Variants in HEXB observed in about 807,000 individuals in gnomAD.
HEXB encodes the protein hexosaminidase subunit beta.
In HEXB, 51 loss-of-function variants were observed where a neutral mutation model predicts 71.2. That is an observed-to-expected ratio of 0.72 (90% CI 0.57 to 0.90). The LOEUF (loss-of-function observed/expected upper bound fraction) is 0.90. Among genes scored for constraint, HEXB ranks in the 40% least tolerant of loss-of-function variants. HEXB has a pLI of 0.00. For synonymous variants in HEXB, 266 were observed against 249.3 expected (o/e 1.07, Z -0.63); for missense variants, 617 against 677.0 (o/e 0.91, Z 0.98).
chr5:74,642,780 T>A (rs747988065), intron 1 of HEXB, among the ~76,000 whole-genome samples: 8 of 152,126 alleles, frequency 5.3e-5, no homozygotes, highest in Non-Finnish European at 1.0e-4. Context: ...AACAGCAAAG[T>A]TCAGATCCCT....
chr5:74,692,769 C>G (rs917696877), intron 2 of HEXB, among the ~76,000 whole-genome samples: 30 of 152,330 alleles, frequency 2.0e-4, no homozygotes, highest in African/African-American at 7.2e-4. Flanking sequence ...TAATCTCCAG[C>G]CCATCAGTGT....
chr5:74,717,644 TAAAA>T (rs563927136), intron 9 of HEXB, among the ~76,000 whole-genome samples: 3 of 151,036 alleles, frequency 2.0e-5, no homozygotes, highest in East Asian at 1.9e-4. Context: ...TTTTTTAACT[TAAAA>T]AAAACCTCAA....
At chr5:74,667,948 C>G (rs1479093373) in intron 1 of HEXB, among the ~76,000 whole-genome samples, 1 of 152,136 alleles carries the variant, frequency 6.6e-6, no homozygotes, top group East Asian at 1.9e-4. Context: ...TAAATTACCA[C>G]ACAGGTTATA....
At chr5:74,669,487 A>G (rs1348877835) in intron 1 of HEXB, among the ~76,000 whole-genome samples, 1 of 152,130 alleles carries the variant, frequency 6.6e-6, no homozygotes, top group Admixed American at 6.6e-5. Context: ...ATTTTTCCCT[A>G]GGGAACTCAT....
rs368042639 is a variant in HEXB, at chr5:74,641,833, G to C, written c.-377+1275G>C. Among the ~76,000 whole-genome samples, 4 of 152,166 alleles carry C rather than the reference G, an allele frequency of 2.6e-5. No individual in the cohort carries two copies. The East Asian group carries it at 7.7e-4, about 29-fold the overall frequency. On this transcript the variant is annotated intron_variant, in intron 1 of 13. Coordinates refer to the HEXB transcript ENST00000511181. This position sits in a 1 kb window ranked among gnomAD's most constrained non-coding sequence, Gnocchi z 4.1. ...AAGTCTATAAATGAACGGGATAGAT[G>C]ACCGGTCCAGCCCCCTTGTTTTACA...
chr5:74,685,296 C>T lies in HEXB; in HGVS notation c.36C>T (p.Pro12=), dbSNP rs1311449316. The T allele has an allele frequency of 1.3e-5, 20 of 1,556,760 alleles. No individual in the cohort carries two copies. Among genetic ancestry groups the T allele is most frequent in the Middle Eastern group, 1.9e-4 (1 of 5,268 alleles). Residue 12 remains proline (P), a synonymous_variant, in exon 1 of 14, where the codon CCC becomes CCT. Coordinates refer to ENST00000261416, the MANE Select transcript of HEXB (RefSeq NM_000521.4). ...ELCGLGLPRP[P]MLLALLLATL... ...GCGGGCTGGGGCTGCCCCGGCCGCCCATGCTGCTGGCGCTGCTGTTGGCGA... is the reference window on the plus strand; with the variant it reads ...GCGGGCTGGGGCTGCCCCGGCCGCCTATGCTGCTGGCGCTGCTGTTGGCGA...
At chr5:74,656,137 A>C (rs533531763) in intron 1 of HEXB, among the ~76,000 whole-genome samples, 1 of 152,250 alleles carries the variant, frequency 6.6e-6, no homozygotes, top group African/African-American at 2.4e-5. Context: ...TCCAACTCCA[A>C]AAAAGCCTTG....
At chr5:74,694,905 G>C (rs911131525) in intron 3 of HEXB, among the ~76,000 whole-genome samples, 2 of 152,100 alleles carry the variant, frequency 1.3e-5, no homozygotes, top group Non-Finnish European at 2.9e-5. Context: ...GGGAGAGGGA[G>C]GTTGCAGTGA....
At chr5:74,701,319 CATT>C (rs1251833508) in intron 5 of HEXB, among the ~76,000 whole-genome samples, 2 of 152,046 alleles carry the variant, frequency 1.3e-5, no homozygotes, top group Non-Finnish European at 2.9e-5. Flanking sequence ...ATTTTAGTAT[CATT>C]ATACTTTTTC....
intron 1 of HEXB, among the ~76,000 whole-genome samples, chr5:74,669,671 T>C (rs912339692): frequency 6.6e-6 from 1 of 152,056 alleles, no homozygotes; most frequent in Non-Finnish European, 1.5e-5. Context: ...TGTAGAATGT[T>C]GACAAGCAGA....
At position 74,705,247 on chromosome 5, in the gene HEXB, T is replaced by G. The variant is rs754203671; in HGVS notation, c.698T>G (p.Val233Gly). 1.9e-6 allele frequency: 3 copies of G among 1,611,738 alleles called. No individual in the cohort carries two copies. The South Asian group carries it at 3.3e-5, about 18-fold the overall frequency. ...LDAMAFNKFNVLHWHIVDDQS... is the reference protein window; with the variant it reads ...LDAMAFNKFNGLHWHIVDDQS... Reference sequence around the variant, plus strand: ...GCCATGGCTTTTAATAAGTTTAATGTTCTTCACTGGCACATAGTTGATGAC... The same window carrying G: ...GCCATGGCTTTTAATAAGTTTAATGGTCTTCACTGGCACATAGTTGATGAC... The change falls in exon 6 of 14, where the codon GTT becomes GGT. Residue 233 changes from valine to glycine, a missense_variant. Physicochemically the swap from Val to Gly is moderately radical, Grantham distance 109. Coordinates refer to ENST00000261416, the MANE Select transcript of HEXB (RefSeq NM_000521.4).
chr5:74,659,897 C>T (rs772349743), intron 1 of HEXB, among the ~76,000 whole-genome samples: 5 of 151,998 alleles, frequency 3.3e-5, no homozygotes, highest in African/African-American at 1.2e-4. Context: ...AAACTCTTAG[C>T]GTAGAAATAA....
intron 1 of HEXB, among the ~76,000 whole-genome samples, chr5:74,673,565 C>T (rs1480316261): frequency 6.6e-6 from 1 of 152,144 alleles, no homozygotes; most frequent in East Asian, 1.9e-4. Flanking sequence ...CCCAGTGTGT[C>T]CTCCGGTAGA....
chr5:74,686,150 A>G (rs145997836), intron 1 of HEXB, among the ~76,000 whole-genome samples: 1 of 147,174 alleles, frequency 6.8e-6, no homozygotes, highest in African/African-American at 2.4e-5. Flanking sequence ...GTTAGGCAGT[A>G]TCCAACTTTG....
chr5:74,705,689 T>A (rs561291756), intron 6 of HEXB: 1 of 253,302 alleles, frequency 3.9e-6, no homozygotes, highest in African/African-American at 2.3e-5. Context: ...ATGACTATTT[T>A]TCTCTCTGAG....
chr5:74,715,436 T>C, intron 7 of HEXB, 74 bp from the exon 8 acceptor site: 1 of 1,027,228 alleles, frequency 9.7e-7, no homozygotes, highest in South Asian at 1.3e-5. Flanking sequence ...AATGACGTAG[T>C]AAAATCATGT....
chr5:74,698,403 T>C (rs1161867287), intron 5 of HEXB, among the ~76,000 whole-genome samples: 1 of 149,908 alleles, frequency 6.7e-6, no homozygotes, highest in Non-Finnish European at 1.5e-5. Flanking sequence ...ATTATTTTTT[T>C]TTCTTTTTAG....
At chr5:74,694,495 T>G (rs1749068770) in intron 3 of HEXB, among the ~76,000 whole-genome samples, 1 of 152,202 alleles carries the variant, frequency 6.6e-6, no homozygotes, top group South Asian at 2.1e-4. Context: ...CTTGAAAAGC[T>G]TCTCATGAGA....
rs1394080301 is a variant in HEXB, at chr5:74,719,091, TACCTAG to T, written c.1417+122_1417+127del. ...CCTAACCTCCCACCCCAGAAGTCTTTACCTAGATATTACCTACCAACTATCTTTTAT... is the reference window on the plus strand; with the variant it reads ...CCTAACCTCCCACCCCAGAAGTCTTTATATTACCTACCAACTATCTTTTAT... On this transcript the variant is annotated intron_variant, in intron 11 of 13. Transcript: ENST00000261416. 5 of 862,200 alleles carry T rather than the reference TACCTAG, an allele frequency of 5.8e-6. No individual in the cohort carries two copies. The African/African-American group carries it at 8.4e-5, about 14-fold the overall frequency. 53.4% of individuals were successfully genotyped at this position (862,200 alleles called of 1,614,324 possible). A position where few individuals can be genotyped will look rare whatever the true frequency, so the allele number is the denominator to read the frequency against.
Sources: gnomAD v4.1 joint callset for allele counts (sites outside exome capture counted in the v4.1 genomes callset) on GRCh38, gnomAD v4.1.1 for gene constraint, Gnocchi (gnomAD v3.1) non-coding constraint, MANE v1.5 for transcripts, NCBI Gene and HGNC (gene_info 2026-07-23, HGNC 2026-07-21) for gene names.